NFATC1: variants seen among roughly 807,000 people sequenced by gnomAD.
NFATC1 encodes nuclear factor of activated T-cells, cytoplasmic 1.
Under a neutral mutation model 76.0 loss-of-function variants are expected in NFATC1, and 22 were observed. That is an observed-to-expected ratio of 0.29 (90% CI 0.21 to 0.41). NFATC1 has a LOEUF of 0.41. NFATC1 is among the 10% of genes least tolerant of loss of function. The pLI is 1.00. For synonymous variants in NFATC1, 704 were observed against 613.1 expected, an observed-to-expected ratio of 1.15 and a Z score of -2.19; for missense variants, 1,357 against 1,337.7, an observed-to-expected ratio of 1.01 and a Z score of -0.23.
Position 79,486,662 on chromosome 18 carries a change from C to T in NFATC1, c.2507C>T (p.Pro836Leu), listed in dbSNP as rs541069439. ...VSAPPSSSCP[P>L]GLEHSLCPSS... ...GCGCCTCCAAGCAGTAGCTGCCCCC[C>T]TGGTCTCGAACACTCGCTCTGCCCC... is the stretch of plus-strand genomic sequence containing the variant. The change falls in exon 9 of 10, where the codon CCT becomes CTT. Residue 836 changes from proline to leucine, a missense_variant. Transcript: ENST00000427363. 1 of 1,604,124 alleles carries T rather than the reference C, an allele frequency of 6.2e-7. No homozygotes were observed. The highest frequency in any genetic ancestry group is 1.1e-5 in the South Asian group (1 of 90,690).
At chr18:79,403,712 A>G (rs1250715943) in intron 1 of NFATC1, among the ~76,000 whole-genome samples, 1 of 152,262 alleles carries the variant, frequency 6.6e-6, no homozygotes, top group Non-Finnish European at 1.5e-5. Flanking sequence ...CTGCTGGGGC[A>G]TTTAATGGTT....
chr18:79,477,731 A>T (rs950996510), intron 8 of NFATC1, among the ~76,000 whole-genome samples: 1 of 152,210 alleles, frequency 6.6e-6, no homozygotes, highest in African/African-American at 2.4e-5. Context: ...AACAACAGAC[A>T]TTGATTTCTC....
chr18:79,470,039 G>A (rs1195177741), intron 8 of NFATC1: 21 of 982,490 alleles, frequency 2.1e-5, no homozygotes, highest in Middle Eastern at 5.2e-4. Flanking sequence ...GTTCCGTCCC[G>A]CGTGCCCGCT....
In NFATC1 at chr18:79,484,590, G is replaced by T. The variant is rs577567392; in HGVS notation, c.2093-1658G>T. The stretch of plus-strand genomic sequence containing the variant: ...CCTCGATCTTTCTACTCAGAGGGTG[G>T]ATGATAGAAAGATTTGAATGAGTGA... On this transcript the variant is annotated intron_variant, in intron 8 of 9. Coordinates refer to ENST00000427363, the MANE Select transcript of NFATC1 (RefSeq NM_001278669.2). Among the ~76,000 whole-genome samples the T allele has an allele frequency of 3.9e-5, 6 of 152,322 alleles. No homozygotes were observed. In the East Asian group the frequency reaches 1.2e-3, roughly 29 times the overall value.
intron 8 of NFATC1, among the ~76,000 whole-genome samples, chr18:79,482,324 G>A (rs1274679164): frequency 6.3e-5 from 9 of 142,486 alleles, no homozygotes; most frequent in Admixed American, 1.4e-4. Context: ...CTGGTTCCTG[G>A]GGTGTCATTC....
chr18:79,446,301 C>T (rs946092625), intron 3 of NFATC1, among the ~76,000 whole-genome samples: 1 of 152,184 alleles, frequency 6.6e-6, no homozygotes. Context: ...GCATTCCACA[C>T]ACCATCAGAG....
At chr18:79,487,395 C>A (rs1450181447) in intron 9 of NFATC1, among the ~76,000 whole-genome samples, 1 of 152,230 alleles carries the variant, frequency 6.6e-6, no homozygotes, top group Non-Finnish European at 1.5e-5. Context: ...GCACGTTACC[C>A]CGTGCGGCTC....
intron 1 of NFATC1, among the ~76,000 whole-genome samples, chr18:79,399,755 C>T (rs907457934): frequency 3.3e-5 from 5 of 151,872 alleles, no homozygotes; most frequent in African/African-American, 9.7e-5. Context: ...GGGTGCCGGG[C>T]CTCCTGCAGG....
At chr18:79,521,725 CTGTG>C (rs1181402457) in intron 9 of NFATC1, among the ~76,000 whole-genome samples, 1 of 55,356 alleles carries the variant, frequency 1.8e-5, no homozygotes, top group East Asian at 6.2e-4. Flanking sequence ...ATGTGTGTGT[CTGTG>C]TGTGTGTGGG....
intron 8 of NFATC1, among the ~76,000 whole-genome samples, chr18:79,484,817 C>T (rs1262011956): frequency 2.6e-5 from 4 of 152,086 alleles, no homozygotes; most frequent in East Asian, 3.9e-4. Context: ...GGATGACTCG[C>T]GCCTGCCTTC....
At position 79,411,226 on chromosome 18, in the gene NFATC1, C is replaced by T. The variant is rs185183720; in HGVS notation, c.951C>T (p.Asn317=). Reference sequence around the variant, plus strand: ...GCTCGGCCATCGTGGCCGCCATCAACGCGCTGACCACCGACAGCAGCCTGG... The same window carrying T: ...GCTCGGCCATCGTGGCCGCCATCAATGCGCTGACCACCGACAGCAGCCTGG... ...YTSSAIVAAI[N]ALTTDSSLDL... Residue 317 remains asparagine (N), a synonymous_variant, in exon 2 of 10, where the codon AAC becomes AAT. Transcript: ENST00000427363. 176 of 1,605,342 alleles carry T rather than the reference C, an allele frequency of 1.1e-4. No individual in the cohort carries two copies. The East Asian group carries it at 2.7e-3, about 25-fold the overall frequency.
chr18:79,447,768 A>G (rs1437594614), intron 3 of NFATC1, among the ~76,000 whole-genome samples: 3 of 152,260 alleles, frequency 2.0e-5, no homozygotes, highest in Non-Finnish European at 4.4e-5. Flanking sequence ...TGCATATGGA[A>G]TCAGACTATA....
intron 3 of NFATC1, among the ~76,000 whole-genome samples, chr18:79,444,736 CA>C (rs1334103966): frequency 2.2e-5 from 3 of 138,822 alleles, no homozygotes; most frequent in African/African-American, 3.3e-5. Context: ...CCCGTGGGCA[CA>C]CACGTGCCCG....
chr18:79,431,541 A>G (rs1268051364), intron 2 of NFATC1, among the ~76,000 whole-genome samples: 2 of 152,070 alleles, frequency 1.3e-5, no homozygotes, highest in Non-Finnish European at 2.9e-5. Context: ...GTGCACCACC[A>G]CGTCCTGCTC....
rs149593239 is a variant in NFATC1 at position 79,462,182 on chromosome 18, G to A, written c.1959+816G>A. ...TCTCCTGCACGGCACCGGTTGCTGCGTGCATCTCTCCCATCCCTGCGCTTC... is the reference window on the plus strand; with the variant it reads ...TCTCCTGCACGGCACCGGTTGCTGCATGCATCTCTCCCATCCCTGCGCTTC... On this transcript the variant is annotated intron_variant, in intron 7 of 9. Coordinates refer to ENST00000427363, the MANE Select transcript of NFATC1 (RefSeq NM_001278669.2). Among the ~76,000 whole-genome samples, 6 of 152,256 alleles carry A rather than the reference G, an allele frequency of 3.9e-5. 2 individuals carry two copies. The highest frequency in any genetic ancestry group is 1.4e-4 in the African/African-American group (6 of 41,544).
intron 8 of NFATC1, among the ~76,000 whole-genome samples, chr18:79,478,426 G>A (rs1209852233): frequency 1.3e-5 from 2 of 152,144 alleles, no homozygotes; most frequent in African/African-American, 2.4e-5. Flanking sequence ...TGAGCCCCCA[G>A]GTCTGCCCTG....
chr18:79,422,544 C>T (rs57652885), intron 2 of NFATC1: 7,640 of 152,274 alleles, frequency 0.05, 395 homozygotes, highest in East Asian at 0.21. Context: ...CAGCGGCCCC[C>T]GGCTGCAGCA....
At position 79,486,679 on chromosome 18, in the gene NFATC1, C is replaced by T. The variant is rs752788695; in HGVS notation, c.2524C>T (p.Leu842Phe). 17 of 1,602,452 alleles carry T rather than the reference C, an allele frequency of 1.1e-5. No individual in the cohort carries two copies. The highest frequency in any genetic ancestry group is 1.3e-5 in the African/African-American group (1 of 74,764). The part of the protein sequence containing the change: ...SSCPPGLEHS[L>F]CPSSPSPPLP... ...CTGCCCCCCTGGTCTCGAACACTCG[C>T]TCTGCCCCAGCAGCCCCTCTCCTCC... Residue 842 changes from leucine (L) to phenylalanine (F), a missense_variant, in exon 9 of 10, where the codon CTC becomes TTC. This residue lies in a region of NFATC1 where 424 missense variants were observed against 395.4 expected (regional missense o/e 1.07). Coordinates refer to ENST00000427363, the MANE Select transcript of NFATC1 (RefSeq NM_001278669.2).
intron 3 of NFATC1, among the ~76,000 whole-genome samples, chr18:79,445,662 G>T (rs7240369): frequency 0.023 from 3,483 of 152,286 alleles, 127 homozygotes; most frequent in African/African-American, 0.078. Context: ...GGGGCAATTT[G>T]AAAAATGCAG....
Sources: gnomAD v4.1 joint callset for allele counts (sites outside exome capture counted in the v4.1 genomes callset) on GRCh38, gnomAD v4.1.1 for gene constraint, gnomAD v4.1.1 regional missense constraint, MANE v1.5 for transcripts, NCBI Gene and HGNC (gene_info 2026-07-23, HGNC 2026-07-21) for gene names.